IBTK: variants seen among roughly 807,000 people sequenced by gnomAD.
IBTK encodes inhibitor of Bruton tyrosine kinase, also known as BTK-binding protein.
IBTK carries 83 observed loss-of-function variants against 154.9 expected under a neutral mutation model. The ratio of observed to expected loss-of-function variants is 0.54; its 90% CI spans 0.45 to 0.64. The LOEUF (loss-of-function observed/expected upper bound fraction) is 0.64, where lower values mean the gene tolerates loss of function less well. Ranked by LOEUF, IBTK falls within the 30% of genes least tolerant of loss-of-function variation. The pLI, the probability that IBTK is intolerant of heterozygous loss-of-function variation, is 0.00. For synonymous variants in IBTK, 515 were observed against 536.1 expected (o/e 0.96, Z 0.54); for missense variants, 1,332 against 1,584.6 (o/e 0.84, Z 2.71).
chr6:82,191,786 C>T lies in IBTK; in HGVS notation c.3431+1G>A. Reference sequence around the variant, plus strand: ...GATCTTTTGTAATGTTTTCAACCCACCCTAAATGTGACTTTGGTGTAGCTC... The same window carrying T: ...GATCTTTTGTAATGTTTTCAACCCATCCTAAATGTGACTTTGGTGTAGCTC... On this transcript the variant is annotated splice_donor_variant, in intron 24 of 28. Transcript: ENST00000306270. LOFTEE classifies it high-confidence loss of function. The T allele has an allele frequency of 1.3e-6, 2 of 1,558,062 alleles. No homozygotes were observed. Among genetic ancestry groups the T allele is most frequent in the Non-Finnish European group, 1.8e-6 (2 of 1,129,696 alleles).
intron 17 of IBTK, among the ~76,000 whole-genome samples, chr6:82,203,697 C>T (rs960062904): frequency 6.6e-6 from 1 of 152,098 alleles, no homozygotes; most frequent in Non-Finnish European, 1.5e-5. Flanking sequence ...GGCAACTGTG[C>T]AGCCAGAGCC....
intron 9 of IBTK, among the ~76,000 whole-genome samples, chr6:82,219,123 T>A (rs1291613749): frequency 1.3e-5 from 2 of 152,164 alleles, no homozygotes; most frequent in African/African-American, 4.8e-5. Flanking sequence ...CTTTTTTTTT[T>A]TCCTTCAACT....
At chr6:82,216,401 AAC>A (rs1244336888) in intron 10 of IBTK, 151 bp from the exon 11 acceptor site, 1 of 597,682 alleles carries the variant, frequency 1.7e-6, no homozygotes, top group Non-Finnish European at 2.9e-6. Flanking sequence ...TCCTCTCTTC[AAC>A]ACATTTTCCA....
At chr6:82,193,980 C>G in intron 23 of IBTK, among the ~76,000 whole-genome samples, 1 of 152,042 alleles carries the variant, frequency 6.6e-6, no homozygotes, top group Non-Finnish European at 1.5e-5. Flanking sequence ...CCATGCCCAG[C>G]CTTCATTTGA....
chr6:82,192,110 T>C (rs1470613826), intron 23 of IBTK, among the ~76,000 whole-genome samples: 1 of 152,246 alleles, frequency 6.6e-6, no homozygotes, highest in East Asian at 1.9e-4. Flanking sequence ...ATAGCACATA[T>C]ACAAATAACA....
chr6:82,220,965 C>CAG (rs1430278889), intron 8 of IBTK, among the ~76,000 whole-genome samples: 1 of 150,978 alleles, frequency 6.6e-6, no homozygotes, highest in Admixed American at 6.6e-5. Flanking sequence ...CACACACACA[C>CAG]ACACACACAC....
chr6:82,228,622 G>C (rs1400793255), intron 4 of IBTK, among the ~76,000 whole-genome samples: 1 of 150,966 alleles, frequency 6.6e-6, no homozygotes, highest in Admixed American at 6.6e-5. Context: ...AAAAACCCCA[G>C]ACTTTTTTTT....
chr6:82,234,726 C>T (rs1171567454), intron 2 of IBTK, among the ~76,000 whole-genome samples: 1 of 152,126 alleles, frequency 6.6e-6, no homozygotes, highest in Admixed American at 6.5e-5. Flanking sequence ...CTCATATTCA[C>T]ACACATTTTT....
At chr6:82,212,268 G>A (rs888130902) in intron 13 of IBTK, among the ~76,000 whole-genome samples, 1 of 152,086 alleles carries the variant, frequency 6.6e-6, no homozygotes, top group Admixed American at 6.5e-5. Context: ...TTACAGGCGT[G>A]AGCCACCACA....
chr6:82,230,593 TA>T (rs1770468391), intron 4 of IBTK, among the ~76,000 whole-genome samples: 3 of 152,142 alleles, frequency 2.0e-5, no homozygotes, highest in African/African-American at 7.2e-5. Flanking sequence ...TGCTCTGAGG[TA>T]TCATCTTCAG....
At position 82,181,424 on chromosome 6, in the gene IBTK, C is replaced by T. The variant is rs572482573; in HGVS notation, c.3725+455G>A. Among the ~76,000 whole-genome samples the T allele has an allele frequency of 2.0e-5, 3 of 152,194 alleles. No homozygotes were observed. In the East Asian group the frequency reaches 5.8e-4, roughly 29 times the overall value. On this transcript the variant is annotated intron_variant, in intron 26 of 28. Transcript: ENST00000306270. ...AATAATTATGCTGAGTAAAAGAAGA[C>T]AGATTTTACAATGGGTACATACTGC...
At chr6:82,210,468 G>A (rs1443801406) in intron 16 of IBTK, 1 of 152,388 alleles carries the variant, frequency 6.6e-6, no homozygotes, top group Non-Finnish European at 1.5e-5. Flanking sequence ...ATTTTCACAT[G>A]GGTAATGAAA....
intron 2 of IBTK, among the ~76,000 whole-genome samples, chr6:82,235,440 A>G (rs929690095): frequency 5.9e-5 from 9 of 152,042 alleles, no homozygotes; most frequent in Non-Finnish European, 1.2e-4. Context: ...GTAAAAATAC[A>G]AAAATTAGTC....
chr6:82,199,074 A>C (rs1351101030), intron 21 of IBTK, among the ~76,000 whole-genome samples: 2 of 152,188 alleles, frequency 1.3e-5, no homozygotes, highest in Non-Finnish European at 2.9e-5. Flanking sequence ...TATAATACTA[A>C]TTAACACTAA....
rs1421068602 is a variant in IBTK, at chr6:82,170,842, T to C, written c.*583A>G. ...CTACTGCTCAATGCAAAATGGAGAATATGTGGTCCAAATAGAAATATGGCA... is the reference window on the plus strand; with the variant it reads ...CTACTGCTCAATGCAAAATGGAGAACATGTGGTCCAAATAGAAATATGGCA... On this transcript the variant is annotated 3_prime_UTR_variant, in exon 29 of 29. Coordinates refer to ENST00000306270, the MANE Select transcript of IBTK (RefSeq NM_015525.4). The C allele has an allele frequency of 6.6e-6, 1 of 152,604 alleles. No individual in the cohort carries two copies. The highest frequency in any genetic ancestry group is 1.5e-5 in the Non-Finnish European group (1 of 68,374). 9.5% of individuals were successfully genotyped at this position (152,604 alleles called of 1,614,324 possible).
Position 82,234,214 on chromosome 6 carries a change from T to C in IBTK, c.363A>G (p.Ser121=). 6.2e-7 allele frequency: 1 copy of C among 1,604,546 alleles called. No homozygotes were observed. The highest frequency in any genetic ancestry group is 8.5e-7 in the Non-Finnish European group (1 of 1,173,606). ...SLYIQDKEGL[S]ALDLVMKDRP... Reference sequence around the variant, plus strand: ...TATCCTTCATTACAAGATCCAAAGCTGACAAGCCTTCTTTATCTTGAATAT... The same window carrying C: ...TATCCTTCATTACAAGATCCAAAGCCGACAAGCCTTCTTTATCTTGAATAT... The change falls in exon 3 of 29, where the codon TCA becomes TCG. Residue 121 remains serine (S), a synonymous_variant. Coordinates refer to ENST00000306270, the MANE Select transcript of IBTK (RefSeq NM_015525.4).
chr6:82,237,544 T>C (rs1048992262), intron 2 of IBTK, among the ~76,000 whole-genome samples: 1 of 129,736 alleles, frequency 7.7e-6, no homozygotes, highest in Non-Finnish European at 1.7e-5. Context: ...CACTAAGTAG[T>C]AGTAGTAGCA....
At chr6:82,205,435 G>A (rs1769366571) in intron 16 of IBTK, 2 of 152,266 alleles carry the variant, frequency 1.3e-5, no homozygotes, top group South Asian at 4.1e-4. Flanking sequence ...TGTCATCTAA[G>A]AGTGCTTTTT....
chr6:82,194,749 CT>C (rs1353619745), intron 22 of IBTK, 107 bp from the exon 23 acceptor site: 31 of 759,042 alleles, frequency 4.1e-5, no homozygotes, highest in Non-Finnish European at 5.5e-5. Context: ...AGAATAAAAT[CT>C]TATGACAATA....
Sources: gnomAD v4.1 joint callset for allele counts (sites outside exome capture counted in the v4.1 genomes callset) on GRCh38, gnomAD v4.1.1 for gene constraint, MANE v1.5 for transcripts, NCBI Gene and HGNC (gene_info 2026-07-23, HGNC 2026-07-21) for gene names.